The following GXYLT2 variants were observed in gnomAD, a reference collection of about 807,000 sequenced individuals.
GXYLT2 encodes the protein glycosyltransferase 8 domain containing 4.
Under a neutral mutation model 45.8 loss-of-function variants are expected in GXYLT2, and 53 were observed. The ratio of observed to expected loss-of-function variants is 1.16; its 90% CI spans 0.93 to 1.46. The LOEUF (loss-of-function observed/expected upper bound fraction) is 1.46, where lower values mean the gene tolerates loss of function less well. Ranked by LOEUF, GXYLT2 falls within the 40% of genes most tolerant of loss-of-function variation. The pLI is 0.00. For missense variants in GXYLT2, 551 were observed against 544.4 expected (o/e 1.01, Z -0.12); for synonymous variants, 219 against 214.2 (o/e 1.02, Z -0.19).
chr3:72,890,436 T>C (rs1709160861), intron 1 of GXYLT2, among the ~76,000 whole-genome samples: 1 of 152,218 alleles, frequency 6.6e-6, no homozygotes, highest in African/African-American at 2.4e-5. Context: ...GCACCAATGG[T>C]ATCCCCACTT....
In GXYLT2 at chr3:72,975,926, C is replaced by CTTTTTT. The variant is rs200250227; in HGVS notation, c.*785_*790dup. On this transcript the variant is annotated 3_prime_UTR_variant, in exon 7 of 7. Transcript: ENST00000389617. ...GGGTATTTCTTCTTTTTCTTTCTTT[C>CTTTTTT]TTTTTTTTTTTTTTTTTTTTTTTGA... 22 of 119,536 alleles carry CTTTTTT rather than the reference C, an allele frequency of 1.8e-4. No homozygotes were observed. Among genetic ancestry groups the CTTTTTT allele is most frequent in the Middle Eastern group, 4.4e-3 (1 of 226 alleles). The allele number at this position is 119,536 out of a possible 1,614,324, so 7.4% of individuals were successfully genotyped here.
intron 3 of GXYLT2, among the ~76,000 whole-genome samples, chr3:72,935,335 T>C (rs1022562916): frequency 6.6e-6 from 1 of 151,894 alleles, no homozygotes; most frequent in African/African-American, 2.4e-5. Flanking sequence ...AAAAACTAAA[T>C]AGAAGGAGAA....
intron 1 of GXYLT2, among the ~76,000 whole-genome samples, chr3:72,906,671 T>C (rs373914600): frequency 3.9e-5 from 6 of 152,300 alleles, no homozygotes; most frequent in African/African-American, 1.2e-4. Context: ...GATTAATAAA[T>C]GGTCTGAAGT....
intron 3 of GXYLT2, among the ~76,000 whole-genome samples, chr3:72,935,091 C>T (rs1013544618): frequency 6.6e-6 from 1 of 152,128 alleles, no homozygotes; most frequent in Non-Finnish European, 1.5e-5. Flanking sequence ...GGGAGCTTAT[C>T]AACCTACAGA....
chr3:72,967,404 T>G, intron 5 of GXYLT2, 143 bp from the exon 6 acceptor site: 1 of 569,092 alleles, frequency 1.8e-6, no homozygotes, highest in South Asian at 2.8e-5. Flanking sequence ...GGGGCAAAAT[T>G]TGATCTATGA....
chr3:72,920,410 C>T (rs1203521262), intron 2 of GXYLT2, among the ~76,000 whole-genome samples: 1 of 152,156 alleles, frequency 6.6e-6, no homozygotes, highest in African/African-American at 2.4e-5. Flanking sequence ...CATGAGATTA[C>T]AGGCGTCAGC....
At chr3:72,924,542 A>T (rs1477916699) in intron 3 of GXYLT2, among the ~76,000 whole-genome samples, 1 of 151,988 alleles carries the variant, frequency 6.6e-6, no homozygotes, top group Non-Finnish European at 1.5e-5. Flanking sequence ...CCACTGGATG[A>T]TTTTTTGCAG....
intron 3 of GXYLT2, among the ~76,000 whole-genome samples, chr3:72,927,976 G>A (rs191867447): frequency 7.2e-4 from 110 of 152,298 alleles, no homozygotes; most frequent in Admixed American, 7.0e-3. Flanking sequence ...ACACTGTAGG[G>A]CTGATTCCAA....
chr3:72,953,984 G>A (rs888625128), intron 3 of GXYLT2, among the ~76,000 whole-genome samples: 15 of 152,250 alleles, frequency 9.9e-5, no homozygotes, highest in African/African-American at 3.1e-4. Flanking sequence ...CTAGCTACTC[G>A]GGAGGCTGAG....
At chr3:72,948,043 G>A (rs895273585) in intron 3 of GXYLT2, among the ~76,000 whole-genome samples, 3 of 152,248 alleles carry the variant, frequency 2.0e-5, no homozygotes, top group African/African-American at 7.2e-5. Flanking sequence ...AATTCACAGA[G>A]TTGGAGATTC....
intron 6 of GXYLT2, among the ~76,000 whole-genome samples, chr3:72,974,549 C>T (rs1190382413): frequency 3.3e-5 from 5 of 152,160 alleles, no homozygotes; most frequent in African/African-American, 1.2e-4. Context: ...CTTTCCTGTC[C>T]TTAGAGACAT....
intron 1 of GXYLT2, among the ~76,000 whole-genome samples, chr3:72,893,659 C>T (rs1709226045): frequency 6.6e-6 from 1 of 152,186 alleles, no homozygotes; most frequent in Non-Finnish European, 1.5e-5. Context: ...TGAATGGGTG[C>T]AGGACCTGCC....
chr3:72,895,404 G>T (rs1241092871), intron 1 of GXYLT2, among the ~76,000 whole-genome samples: 2 of 152,032 alleles, frequency 1.3e-5, no homozygotes, highest in African/African-American at 2.4e-5. Flanking sequence ...ACTTGCATTT[G>T]TTACTTGCTA....
chr3:72,955,006 T>G (rs1532190), intron 3 of GXYLT2, 92 bp from the exon 4 acceptor site: 658,505 of 1,317,214 alleles, frequency 0.5, 175,652 homozygotes, highest in Non-Finnish European at 0.55. Flanking sequence ...GTAGCATTAT[T>G]TACCTATCAG....
At chr3:72,896,631 T>C (rs768231749) in intron 1 of GXYLT2, among the ~76,000 whole-genome samples, 1 of 152,058 alleles carries the variant, frequency 6.6e-6, no homozygotes, top group African/African-American at 2.4e-5. Flanking sequence ...GGCAGATCGC[T>C]TGAGATCAGG....
At chr3:72,969,927 A>AAAAAAAAC (rs565563001) in intron 6 of GXYLT2, among the ~76,000 whole-genome samples, 2 of 146,342 alleles carry the variant, frequency 1.4e-5, no homozygotes, top group Admixed American at 7.3e-5. Flanking sequence ...AAAAACAAAA[A>AAAAAAAAC]CATTTAAGGC....
chr3:72,888,172 G>A lies in GXYLT2; in HGVS notation c.-62G>A. 1 of 977,050 alleles carries A rather than the reference G, an allele frequency of 1.0e-6. No homozygotes were observed. The highest frequency in any genetic ancestry group is 5.2e-4 in the Middle Eastern group (1 of 1,906). The allele number at this position is 977,050 out of a possible 1,614,324, so 60.5% of individuals were successfully genotyped here. ...CGCGCGCTGCTGCACTCATCCTGCC[G>A]CCGCCGCGATGCGCAGAGGGGCCGA... On this transcript the variant is annotated 5_prime_UTR_variant, in exon 1 of 7. Coordinates refer to ENST00000389617, the MANE Select transcript of GXYLT2 (RefSeq NM_001080393.2).
At chr3:72,962,812 A>G (rs1021807066) in intron 5 of GXYLT2, among the ~76,000 whole-genome samples, 1 of 152,172 alleles carries the variant, frequency 6.6e-6, no homozygotes, top group Non-Finnish European at 1.5e-5. Flanking sequence ...GAGACCCTCA[A>G]GGCTGGAGAG....
chr3:72,968,564 G>C (rs1410997166), intron 6 of GXYLT2, among the ~76,000 whole-genome samples: 2 of 152,170 alleles, frequency 1.3e-5, no homozygotes, highest in East Asian at 3.9e-4. Context: ...CCCACCAAAG[G>C]GTACAAGATA....
Sources: gnomAD v4.1 joint callset for allele counts (sites outside exome capture counted in the v4.1 genomes callset) on GRCh38, gnomAD v4.1.1 for gene constraint, MANE v1.5 for transcripts, NCBI Gene and HGNC (gene_info 2026-07-23, HGNC 2026-07-21) for gene names.